Variants in LRRTM4 observed in about 807,000 individuals in gnomAD.
The protein encoded by LRRTM4 is leucine-rich repeat transmembrane neuronal protein 4.
A neutral mutation model predicts 47.6 loss-of-function variants in LRRTM4; 25 were observed. That is an observed-to-expected ratio of 0.53 (90% confidence interval 0.38 to 0.73). LRRTM4 has a LOEUF of 0.73. LRRTM4 is among the 30% of genes least tolerant of loss of function. The pLI is 0.00. For synonymous variants in LRRTM4, 311 were observed against 269.5 expected (o/e 1.15, Z -1.51); for missense variants, 638 against 713.4 (o/e 0.89, Z 1.20).
intron 3 of LRRTM4, among the ~76,000 whole-genome samples, chr2:76,870,906 A>G (rs185008754): frequency 6.6e-6 from 1 of 152,246 alleles, no homozygotes; most frequent in Non-Finnish European, 1.5e-5. Flanking sequence ...AACTCAGCCA[A>G]TCCCCAATAA....
intron 3 of LRRTM4, among the ~76,000 whole-genome samples, chr2:76,753,394 C>T (rs574368752): frequency 8.5e-5 from 13 of 152,250 alleles, no homozygotes; most frequent in African/African-American, 2.9e-4. Context: ...CTTACAGTTT[C>T]CATTTAGAGA....
At chr2:77,176,614 A>T (rs1182448116) in intron 3 of LRRTM4, among the ~76,000 whole-genome samples, 1 of 152,338 alleles carries the variant, frequency 6.6e-6, no homozygotes, top group East Asian at 1.9e-4. Flanking sequence ...AGGAACAAAC[A>T]ATTTAGATCA....
intron 3 of LRRTM4, among the ~76,000 whole-genome samples, chr2:76,817,376 A>G (rs1670931716): frequency 6.6e-6 from 1 of 151,984 alleles, no homozygotes; most frequent in South Asian, 2.1e-4. Flanking sequence ...TTAAGGAAGT[A>G]AAAGACAAAA....
At chr2:77,164,147 C>G (rs1479713079) in intron 3 of LRRTM4, among the ~76,000 whole-genome samples, 4 of 152,066 alleles carry the variant, frequency 2.6e-5, no homozygotes, top group Admixed American at 2.6e-4. Flanking sequence ...AAAACAAAAG[C>G]AGGGGTTGCA....
intron 3 of LRRTM4, among the ~76,000 whole-genome samples, chr2:77,465,034 G>A (rs1018473803): frequency 1.3e-5 from 2 of 152,066 alleles, no homozygotes. Context: ...GCATGTTGGA[G>A]AACAAAAATT....
intron 3 of LRRTM4, among the ~76,000 whole-genome samples, chr2:77,324,704 C>T (rs1038224648): frequency 6.6e-6 from 1 of 152,064 alleles, no homozygotes. Flanking sequence ...ATTTTGTTGG[C>T]CATCTTATAG....
At chr2:77,297,460 A>G (rs1340621704) in intron 3 of LRRTM4, among the ~76,000 whole-genome samples, 1 of 152,192 alleles carries the variant, frequency 6.6e-6, no homozygotes, top group East Asian at 1.9e-4. Context: ...ATCTATAAAG[A>G]GAGAGTTAGA....
intron 3 of LRRTM4, among the ~76,000 whole-genome samples, chr2:77,397,835 A>C (rs1218221968): frequency 2.0e-5 from 3 of 151,896 alleles, no homozygotes; most frequent in Non-Finnish European, 4.4e-5. Context: ...ACTCTGCACC[A>C]AGTGTATACG....
intron 3 of LRRTM4, among the ~76,000 whole-genome samples, chr2:77,314,101 G>A (rs1194007901): frequency 1.3e-5 from 2 of 152,076 alleles, no homozygotes; most frequent in Non-Finnish European, 2.9e-5. Context: ...TCATTGTAAG[G>A]AGCAAACTCA....
At chr2:77,175,820 C>G (rs1163897369) in intron 3 of LRRTM4, among the ~76,000 whole-genome samples, 1 of 152,088 alleles carries the variant, frequency 6.6e-6, no homozygotes, top group African/African-American at 2.4e-5. Context: ...ACAACCACAC[C>G]TGGCTAATTT....
chr2:76,935,330 T>C (rs1395964343), intron 3 of LRRTM4, among the ~76,000 whole-genome samples: 3 of 152,208 alleles, frequency 2.0e-5, no homozygotes, highest in Non-Finnish European at 4.4e-5. Context: ...GTCTTGGCTA[T>C]GCGGGCTCTT....
chr2:76,935,818 T>TAAAGATAA (rs1674926933), intron 3 of LRRTM4, among the ~76,000 whole-genome samples: 1 of 152,206 alleles, frequency 6.6e-6, no homozygotes, highest in East Asian at 1.9e-4. Flanking sequence ...CTTTCCCTCA[T>TAAAGATAA]TGAATACTCT....
intron 3 of LRRTM4, among the ~76,000 whole-genome samples, chr2:76,856,472 G>A (rs1305934994): frequency 2.6e-5 from 4 of 151,894 alleles, no homozygotes; most frequent in Non-Finnish European, 5.9e-5. Flanking sequence ...TAGCCTACAT[G>A]GATAAACATT....
chr2:76,934,723 T>C (rs952012740), intron 3 of LRRTM4, among the ~76,000 whole-genome samples: 13 of 152,122 alleles, frequency 8.5e-5, no homozygotes, highest in African/African-American at 9.7e-5. Context: ...ACTACTCCCA[T>C]TGGAAAACAT....
intron 3 of LRRTM4, among the ~76,000 whole-genome samples, chr2:77,342,108 CCAA>C (rs1671393370): frequency 6.6e-6 from 1 of 151,868 alleles, no homozygotes; most frequent in Non-Finnish European, 1.5e-5. Flanking sequence ...ATGTACTATA[CCAA>C]TACACTCTGC....
chr2:77,139,405 A>C (rs2103755554), intron 3 of LRRTM4, among the ~76,000 whole-genome samples: 1 of 152,268 alleles, frequency 6.6e-6, no homozygotes, highest in South Asian at 2.1e-4. Context: ...GCGGAAAAGG[A>C]CTTTGACAAA....
chr2:77,353,408 A>C (rs184259150), intron 3 of LRRTM4, among the ~76,000 whole-genome samples: 5 of 152,296 alleles, frequency 3.3e-5, no homozygotes, highest in Admixed American at 2.0e-4. Context: ...TAAATTCCTC[A>C]ATGACATGCT....
At chr2:77,448,751 T>C (rs1319760357) in intron 3 of LRRTM4, among the ~76,000 whole-genome samples, 1 of 152,198 alleles carries the variant, frequency 6.6e-6, no homozygotes, top group Non-Finnish European at 1.5e-5. Flanking sequence ...ATTTTACTTT[T>C]ATAAATGGAT....
At chr2:77,127,260 C>T (rs1671672392) in intron 3 of LRRTM4, among the ~76,000 whole-genome samples, 1 of 152,152 alleles carries the variant, frequency 6.6e-6, no homozygotes, top group Non-Finnish European at 1.5e-5. Flanking sequence ...TGTAGCTTTT[C>T]TCACATACTT....
Sources: gnomAD v4.1 joint callset for allele counts (sites outside exome capture counted in the v4.1 genomes callset) on GRCh38, gnomAD v4.1.1 for gene constraint, MANE v1.5 for transcripts, NCBI Gene and HGNC (gene_info 2026-07-23, HGNC 2026-07-21) for gene names.